Variants in TENT4B observed in about 807,000 individuals in gnomAD.
The protein encoded by TENT4B is PAP associated domain containing 5.
Under a neutral mutation model 75.0 loss-of-function variants are expected in TENT4B, and 10 were observed. That is an observed-to-expected ratio of 0.13 (90% CI 0.08 to 0.23). The LOEUF (loss-of-function observed/expected upper bound fraction) is 0.23, where lower values mean the gene tolerates loss of function less well. Ranked by LOEUF, TENT4B falls within the 10% of genes least tolerant of loss-of-function variation. TENT4B has a pLI of 1.00. For missense variants in TENT4B, 579 were observed against 893.8 expected, an observed-to-expected ratio of 0.65 and a Z score of 4.49; for synonymous variants, 350 against 357.7, an observed-to-expected ratio of 0.98 and a Z score of 0.24.
chr16:50,220,685 C>T (rs117688477), intron 5 of TENT4B, among the ~76,000 whole-genome samples: 1 of 151,986 alleles, frequency 6.6e-6, no homozygotes, highest in East Asian at 1.9e-4. Context: ...TGTGCCACCA[C>T]GCTGGGCTAA....
chr16:50,153,832 G>T lies in TENT4B; in HGVS notation c.211G>T (p.Gly71Cys). The change falls in exon 1 of 12, where the codon GGC becomes TGC. Residue 71 changes from glycine to cysteine, a missense_variant. Gly to Cys is a radical substitution (Grantham distance 159). This residue lies in a region of TENT4B where 253 missense variants were observed against 270.1 expected (regional missense o/e 0.94). Transcript: ENST00000561678. Reference protein sequence around the residue: ...GSGSSTGSPGGAASAPAPAPA... With the variant: ...GSGSSTGSPGCAASAPAPAPA... ...CGGCAGCAGCACCGGCAGCCCCGGC[G>T]GCGCGGCCTCGGCCCCGGCCCCGGC... is the stretch of plus-strand genomic sequence containing the variant. The T allele has an allele frequency of 8.0e-7, 1 of 1,248,768 alleles. No individual in the cohort carries two copies. The highest frequency in any genetic ancestry group is 1.0e-6 in the Non-Finnish European group (1 of 1,001,470). The allele number at this position is 1,248,768 out of a possible 1,614,324, so 77.4% of individuals were successfully genotyped here. A position where few individuals can be genotyped will look rare whatever the true frequency, so the allele number is the denominator to read the frequency against.
At chr16:50,178,583 T>G (rs933846252) in intron 1 of TENT4B, among the ~76,000 whole-genome samples, 2 of 152,020 alleles carry the variant, frequency 1.3e-5, no homozygotes, top group Non-Finnish European at 2.9e-5. Flanking sequence ...ATAGATAATA[T>G]GTGGTGTATG....
chr16:50,199,016 C>T (rs1185158284), intron 1 of TENT4B, among the ~76,000 whole-genome samples: 1 of 152,214 alleles, frequency 6.6e-6, no homozygotes, highest in African/African-American at 2.4e-5. Flanking sequence ...CCTATCTCTC[C>T]CCTGACTTTG....
At chr16:50,156,191 C>T (rs1295705067) in intron 1 of TENT4B, among the ~76,000 whole-genome samples, 10 of 151,984 alleles carry the variant, frequency 6.6e-5, no homozygotes, top group African/African-American at 2.4e-4. Flanking sequence ...CTTTTGCCTC[C>T]TCCCTTAGAG....
chr16:50,201,524 A>C (rs909901514), intron 1 of TENT4B, among the ~76,000 whole-genome samples: 3 of 150,006 alleles, frequency 2.0e-5, no homozygotes, highest in Non-Finnish European at 4.4e-5. Flanking sequence ...GCGATAGAGC[A>C]AGACTCTGTC....
rs960205507 is a variant in TENT4B at position 50,234,915 on chromosome 16, T to C, written c.*5587T>C. 1 of 985,840 alleles carries C rather than the reference T, an allele frequency of 1.0e-6. No homozygotes were observed. 61.1% of individuals were successfully genotyped at this position (985,840 alleles called of 1,614,324 possible). A position where few individuals can be genotyped will look rare whatever the true frequency, so the allele number is the denominator to read the frequency against. On this transcript the variant is annotated 3_prime_UTR_variant, in exon 12 of 12. Transcript: ENST00000561678. ...TTAGTAACCTTTTTATGTATTTCCT[T>C]CTTTGATTAGCATTGTCTTCAGTGT...
intron 1 of TENT4B, among the ~76,000 whole-genome samples, chr16:50,201,585 A>G (rs1368568446): frequency 2.6e-5 from 4 of 151,142 alleles, no homozygotes; most frequent in Non-Finnish European, 4.4e-5. Context: ...GCTCACACCT[A>G]TAATCCCAGC....
chr16:50,182,465 T>G (rs1467173218), intron 1 of TENT4B, among the ~76,000 whole-genome samples: 1 of 152,166 alleles, frequency 6.6e-6, no homozygotes, highest in African/African-American at 2.4e-5. Context: ...TATTTCTTAG[T>G]CCCCTTAAGC....
intron 7 of TENT4B, among the ~76,000 whole-genome samples, chr16:50,223,978 A>G (rs139080972): frequency 5.9e-5 from 9 of 152,046 alleles, no homozygotes; most frequent in African/African-American, 2.2e-4. Context: ...TGTGAGCAAT[A>G]TTTTTTCTTG....
chr16:50,223,737 G>A (rs1466820010), intron 7 of TENT4B, among the ~76,000 whole-genome samples: 1 of 152,198 alleles, frequency 6.6e-6, no homozygotes, highest in African/African-American at 2.4e-5. Flanking sequence ...AGGCTTTAAT[G>A]AGATGATTCT....
At chr16:50,214,518 T>C (rs889870404) in intron 3 of TENT4B, among the ~76,000 whole-genome samples, 3 of 152,052 alleles carry the variant, frequency 2.0e-5, no homozygotes, top group Admixed American at 1.3e-4. Context: ...TAGCCAGGCG[T>C]AGCAGTGCGC....
At chr16:50,170,527 A>G (rs2038185832) in intron 1 of TENT4B, among the ~76,000 whole-genome samples, 1 of 152,234 alleles carries the variant, frequency 6.6e-6, no homozygotes, top group African/African-American at 2.4e-5. Flanking sequence ...CGTTAAAGAA[A>G]TGGCAGTATG....
chr16:50,203,629 C>A (rs1373191471), intron 1 of TENT4B, among the ~76,000 whole-genome samples: 1 of 151,884 alleles, frequency 6.6e-6, no homozygotes, highest in Non-Finnish European at 1.5e-5. Context: ...GTTCTTGGGT[C>A]AAATTGTCCT....
chr16:50,225,429 C>A, intron 10 of TENT4B, 144 bp downstream of exon 10: 1 of 879,962 alleles, frequency 1.1e-6, no homozygotes, highest in Non-Finnish European at 1.6e-6. Flanking sequence ...TGTACATTTT[C>A]TCAACATTTT....
At chr16:50,173,752 G>C (rs917961617) in intron 1 of TENT4B, among the ~76,000 whole-genome samples, 2 of 152,158 alleles carry the variant, frequency 1.3e-5, no homozygotes, top group African/African-American at 4.8e-5. Context: ...GGAGTGCAAT[G>C]GTACAATCTT....
In TENT4B at chr16:50,230,943, T is replaced by C. The variant is rs971075577; in HGVS notation, c.*1615T>C. 2.0e-6 allele frequency: 2 copies of C among 979,328 alleles called. No individual in the cohort carries two copies. The highest frequency in any genetic ancestry group is 1.8e-5 in the African/African-American group (1 of 57,098). The allele number at this position is 979,328 out of a possible 1,614,324, so 60.7% of individuals were successfully genotyped here. A position where few individuals can be genotyped will look rare whatever the true frequency, so the allele number is the denominator to read the frequency against. Reference sequence around the variant, plus strand: ...TATATATATACATATAAAGTACTATTGGCTTTTAGGAGTTTCTTTTATATA... The same window carrying C: ...TATATATATACATATAAAGTACTATCGGCTTTTAGGAGTTTCTTTTATATA... On this transcript the variant is annotated 3_prime_UTR_variant, in exon 12 of 12. Coordinates refer to ENST00000561678, the MANE Select transcript of TENT4B (RefSeq NM_001365324.3).
Position 50,153,579 on chromosome 16 carries a change from G to A in TENT4B, c.-43G>A. On this transcript the variant is annotated 5_prime_UTR_variant, in exon 1 of 12. Coordinates refer to ENST00000561678, the MANE Select transcript of TENT4B (RefSeq NM_001365324.3). ...CTGAGGCGGCGGCGGCGGCGGCCCT[G>A]CGGGCGGCCGGGAGGGGCGGGGGCA... The A allele has an allele frequency of 1.7e-5, 17 of 975,632 alleles. No homozygotes were observed. Among genetic ancestry groups the A allele is most frequent in the Non-Finnish European group, 2.1e-5 (17 of 826,032 alleles). The allele number at this position is 975,632 out of a possible 1,614,324, so 60.4% of individuals were successfully genotyped here.
At chr16:50,155,252 C>G (rs941731738) in intron 1 of TENT4B, among the ~76,000 whole-genome samples, 3 of 138,052 alleles carry the variant, frequency 2.2e-5, no homozygotes, top group Non-Finnish European at 4.7e-5. Flanking sequence ...TTTTGTAAAA[C>G]AAAGCTTTTG....
Position 50,224,765 on chromosome 16 carries a change from C to A in TENT4B, c.1490C>A (p.Pro497His). ...HAVSPIAKYY[P>H]NNETESILGR... The stretch of plus-strand genomic sequence containing the variant: ...GTATCACCAATAGCAAAGTACTATC[C>A]CAACAATGAAACAGAAAGGTAAAAG... Residue 497 changes from proline (P) to histidine (H), a missense_variant, in exon 8 of 12, where the codon CCC becomes CAC. Transcript: ENST00000561678. The A allele has an allele frequency of 1.2e-6, 2 of 1,613,902 alleles. No individual in the cohort carries two copies. The highest frequency in any genetic ancestry group is 1.7e-6 in the Non-Finnish European group (2 of 1,179,878).
Sources: gnomAD v4.1 joint callset for allele counts (sites outside exome capture counted in the v4.1 genomes callset) on GRCh38, gnomAD v4.1.1 for gene constraint, gnomAD v4.1.1 regional missense constraint, MANE v1.5 for transcripts, NCBI Gene and HGNC (gene_info 2026-07-23, HGNC 2026-07-21) for gene names.